METTL17: variants seen among roughly 807,000 people sequenced by gnomAD.
METTL17 encodes the protein ribosome assembly protein METTL17, mitochondrial.
Under a neutral mutation model 59.4 loss-of-function variants are expected in METTL17, and 49 were observed. The observed-to-expected ratio is 0.82, with a 90% CI of 0.66 to 1.05. METTL17 has a LOEUF of 1.05. METTL17 is among the 50% of genes least tolerant of loss of function. The pLI is 0.00. For missense variants in METTL17, 555 were observed against 578.4 expected (o/e 0.96, Z 0.41); for synonymous variants, 208 against 209.2 (o/e 0.99, Z 0.05).
In METTL17 at chr14:20,990,041, A is replaced by G; in HGVS notation, c.39A>G (p.Arg13=). The G allele has an allele frequency of 6.2e-7, 1 of 1,613,130 alleles. No individual in the cohort carries two copies. The highest frequency in any genetic ancestry group is 8.5e-7 in the Non-Finnish European group (1 of 1,179,788). The change falls in exon 1 of 14, where the codon AGA becomes AGG. Residue 13 remains arginine, a synonymous_variant. Transcript: ENST00000339374. ...TGAAGTGTCTACTGACATTAGGAAGATGGTGCCCCGGCCTTGGAGTGGCTC... is the reference window on the plus strand; with the variant it reads ...TGAAGTGTCTACTGACATTAGGAAGGTGGTGCCCCGGCCTTGGAGTGGCTC... ...AALKCLLTLG[R]WCPGLGVAPQ... is the part of the protein sequence containing the mutation.
chr14:20,994,479 G>A, intron 7 of METTL17, 64 bp from the exon 8 acceptor site: 1 of 1,340,968 alleles, frequency 7.5e-7, no homozygotes, highest in Middle Eastern at 1.8e-4. Context: ...TTCTTATCTG[G>A]ATATCTCTTC....
At chr14:20,996,740 G>T (rs761585946) in intron 13 of METTL17, 29 bp downstream of exon 13, 3 of 1,614,124 alleles carry the variant, frequency 1.9e-6, no homozygotes, top group East Asian at 2.2e-5. Flanking sequence ...AAATCAGTGG[G>T]ATGTGGCAGG....
At chr14:20,991,317 T>A (rs560140396) in intron 3 of METTL17, among the ~76,000 whole-genome samples, 3 of 152,270 alleles carry the variant, frequency 2.0e-5, no homozygotes, top group African/African-American at 7.2e-5. Context: ...TCCTTGACAC[T>A]ACCATTTATT....
intron 3 of METTL17, among the ~76,000 whole-genome samples, chr14:20,991,181 T>G (rs12880712): frequency 0.34 from 51,447 of 152,014 alleles, 8,927 homozygotes; most frequent in South Asian, 0.44. Context: ...GTCCACTGGA[T>G]TAGGACCTTC....
At position 20,995,396 on chromosome 14, in the gene METTL17, T is replaced by C. The variant is rs114508767; in HGVS notation, c.945+163T>C. 2.5e-3 allele frequency among the ~76,000 whole-genome samples: 375 copies of C among 152,364 alleles called. 3 individuals carry two copies. Among genetic ancestry groups the C allele is most frequent in the African/African-American group, 8.3e-3 (346 of 41,584 alleles). ...GCAGTGGTTGGCAAATGAGAGCCTG[T>C]GGATCAAATCCGACCTGCCACCTGT... On this transcript the variant is annotated intron_variant, in intron 10 of 13. Transcript: ENST00000339374.
rs769709325 is a variant in METTL17, at chr14:20,993,923, T to G, written c.603-46T>G. 3.4e-6 allele frequency: 5 copies of G among 1,478,750 alleles called. No homozygotes were observed. The South Asian group carries it at 5.7e-5, about 17-fold the overall frequency. 91.6% of individuals were successfully genotyped at this position (1,478,750 alleles called of 1,614,324 possible). On this transcript the variant is annotated intron_variant, in intron 6 of 13. Transcript: ENST00000339374. ...TAAATGGGCCTCTTGTAGAGATGAC[T>G]CTTGGTCATGGGAATTGGTGATTTA...
rs775108483 is a variant in METTL17, at chr14:20,992,508, C to A, written c.447-33C>A. The A allele has an allele frequency of 2.7e-6, 4 of 1,503,862 alleles. No homozygotes were observed. In the South Asian group the frequency reaches 4.5e-5, roughly 17 times the overall value. 93.2% of individuals were successfully genotyped at this position (1,503,862 alleles called of 1,614,324 possible). On this transcript the variant is annotated intron_variant, in intron 4 of 13. Coordinates refer to ENST00000339374, the MANE Select transcript of METTL17 (RefSeq NM_022734.3). ...GTAATTATGGGATTAAGGTTATTTA[C>A]TAGTATGTACAACTCTGTGATTTTA...
chr14:20,994,578 G>A lies in METTL17; in HGVS notation c.733G>A (p.Val245Ile). The A allele has an allele frequency of 1.2e-6, 2 of 1,614,174 alleles. No individual in the cohort carries two copies. The highest frequency in any genetic ancestry group is 8.5e-7 in the Non-Finnish European group (1 of 1,180,026). The change falls in exon 8 of 14, where the codon GTC (valine) becomes ATC (isoleucine). Residue 245 changes from valine to isoleucine, a missense_variant. Val to Ile is a conservative substitution (Grantham distance 29, BLOSUM62 3). Coordinates refer to ENST00000339374, the MANE Select transcript of METTL17 (RefSeq NM_022734.3). The stretch of plus-strand genomic sequence containing the variant: ...ATCTGGGGAGCCTTATATTCCAGGT[G>A]TCTTTTTCAGACAGTTTCTACCTGT... ...SESGEPYIPG[V>I]FFRQFLPVSP...
chr14:20,995,194 G>A lies in METTL17; in HGVS notation c.906G>A (p.Gly302=). 6.2e-7 allele frequency: 1 copy of A among 1,614,160 alleles called. No homozygotes were observed. Among genetic ancestry groups the A allele is most frequent in the Non-Finnish European group, 8.5e-7 (1 of 1,180,020 alleles). The change falls in exon 10 of 14, where the codon GGG becomes GGA. Residue 302 remains glycine (G), a synonymous_variant. Transcript: ENST00000339374. ...LVLVENGTKA[G]HSLLMDARDL... ...TGGTGGAGAATGGAACAAAAGCTGG[G>A]CACAGCCTTCTCATGGATGCCAGGG...
Position 20,996,764 on chromosome 14 carries a change from CG to C in METTL17, c.1266-20del. 1 of 1,614,174 alleles carries C rather than the reference CG, an allele frequency of 6.2e-7. No homozygotes were observed. The highest frequency in any genetic ancestry group is 8.5e-7 in the Non-Finnish European group (1 of 1,180,024). ...GGATGTGGCAGGAAGCTGCAGCCCA[CG>C]CCAGCATCTGTTTCCACAGGGATTT... On this transcript the variant is annotated intron_variant, in intron 13 of 13. Coordinates refer to ENST00000339374, the MANE Select transcript of METTL17 (RefSeq NM_022734.3).
chr14:20,995,303 A>G (rs1038422161), intron 10 of METTL17, 70 bp downstream of exon 10: 2 of 1,382,288 alleles, frequency 1.4e-6, no homozygotes, highest in Admixed American at 1.7e-5. Context: ...TGAAAACGAA[A>G]GAGACTGTCA....
At chr14:20,995,736 C>A in intron 10 of METTL17, 165 bp from the exon 11 acceptor site, 1 of 606,412 alleles carries the variant, frequency 1.6e-6, no homozygotes, top group East Asian at 2.8e-5. Flanking sequence ...AGAGAAAGTT[C>A]TTTGTTTGGA....
At position 20,990,552 on chromosome 14, in the gene METTL17, G is replaced by T; in HGVS notation, c.318G>T (p.Leu106Phe). The T allele has an allele frequency of 6.2e-7, 1 of 1,614,236 alleles. No homozygotes were observed. The highest frequency in any genetic ancestry group is 1.6e-4 in the Middle Eastern group (1 of 6,062). The change falls in exon 3 of 14, where the codon TTG becomes TTT. Residue 106 changes from leucine to phenylalanine, a missense_variant. Transcript: ENST00000339374. ...SRHLPVEPEELQRRARHLEKK... is the reference protein window; with the variant it reads ...SRHLPVEPEEFQRRARHLEKK... ...ATTTGCCTGTAGAGCCAGAGGAGTTGCAAAGACGGGCTAGGCATCTTGAGA... is the reference window on the plus strand; with the variant it reads ...ATTTGCCTGTAGAGCCAGAGGAGTTTCAAAGACGGGCTAGGCATCTTGAGA...
At chr14:20,991,556 A>C (rs886847800) in intron 3 of METTL17, among the ~76,000 whole-genome samples, 1 of 151,910 alleles carries the variant, frequency 6.6e-6, no homozygotes, top group African/African-American at 2.4e-5. Context: ...TTTGAGACAG[A>C]GTCTTGCTCT....
intron 4 of METTL17, 158 bp from the exon 5 acceptor site, chr14:20,992,383 T>C: frequency 1.4e-6 from 1 of 736,686 alleles, no homozygotes; most frequent in Non-Finnish European, 2.2e-6. Context: ...AGTTTGAAAA[T>C]TTAGTGTTTG....
intron 3 of METTL17, 199 bp downstream of exon 3, chr14:20,990,797 C>A (rs1171801257): frequency 9.1e-6 from 6 of 661,332 alleles, no homozygotes; most frequent in Admixed American, 6.3e-5. Flanking sequence ...TCAGAATGTC[C>A]CAGTATACTG....
intron 6 of METTL17, 159 bp from the exon 7 acceptor site, chr14:20,993,810 C>A: frequency 2.3e-5 from 10 of 440,770 alleles, no homozygotes; most frequent in East Asian, 7.6e-5. Flanking sequence ...GTAAATAAAA[C>A]AAGAAAATAA....
intron 4 of METTL17, 95 bp downstream of exon 4, chr14:20,992,300 T>C: frequency 1.2e-6 from 1 of 835,532 alleles, no homozygotes; most frequent in South Asian, 1.6e-5. Context: ...TAGTATTTTC[T>C]TTTATATCAC....
In METTL17 at chr14:20,992,106, T is replaced by C; in HGVS notation, c.365-18T>C. 1.2e-6 allele frequency: 2 copies of C among 1,612,614 alleles called. No individual in the cohort carries two copies. Among genetic ancestry groups the C allele is most frequent in the Non-Finnish European group, 8.5e-7 (1 of 1,179,254 alleles). On this transcript the variant is annotated intron_variant, in intron 3 of 13. Coordinates refer to ENST00000339374, the MANE Select transcript of METTL17 (RefSeq NM_022734.3). Reference sequence around the variant, plus strand: ...GTTCTCCCTAGGTCCTGACTTCCAGTCCTTGTTCTCACCACAGACTTATCT... The same window carrying C: ...GTTCTCCCTAGGTCCTGACTTCCAGCCCTTGTTCTCACCACAGACTTATCT...
Sources: allele counts gnomAD v4.1 joint callset (sites outside exome capture counted in the v4.1 genomes callset), GRCh38; gene constraint gnomAD v4.1.1; transcripts MANE v1.5; gene names NCBI Gene and HGNC (gene_info 2026-07-23, HGNC 2026-07-21).